The following LIN52 variants were observed in gnomAD, a reference collection of about 807,000 sequenced individuals.
The protein encoded by LIN52 is protein lin-52 homolog.
In LIN52, 4 loss-of-function variants were observed where a neutral mutation model predicts 18.5. That is an observed-to-expected ratio of 0.22 (90% CI 0.11 to 0.49). The LOEUF (loss-of-function observed/expected upper bound fraction) is 0.49. LIN52 is among the 20% of genes least tolerant of loss of function. The probability of loss-of-function intolerance (pLI) is 0.97; values close to 1 mark genes in which losing one functional copy is unlikely to be tolerated. For synonymous variants in LIN52, 34 were observed against 45.5 expected (o/e 0.75, Z 1.02); for missense variants, 102 against 139.5 (o/e 0.73, Z 1.35).
chr14:74,195,209 CTTG>C (rs1230473737), intron 5 of LIN52, among the ~76,000 whole-genome samples: 3 of 152,152 alleles, frequency 2.0e-5, no homozygotes, highest in Non-Finnish European at 4.4e-5. Context: ...CTCTCCCAAT[CTTG>C]TTGTGTCTAG....
At chr14:74,106,500 G>A (rs959506420) in intron 5 of LIN52, among the ~76,000 whole-genome samples, 1 of 152,080 alleles carries the variant, frequency 6.6e-6, no homozygotes, top group African/African-American at 2.4e-5. Flanking sequence ...TTGAACTCCT[G>A]GGCTCAACCA....
chr14:74,089,176 T>C (rs1050422912), intron 1 of LIN52, among the ~76,000 whole-genome samples: 15 of 152,188 alleles, frequency 9.9e-5, no homozygotes, highest in Admixed American at 9.2e-4. Context: ...GATTTCAGGG[T>C]GTATTCTGAA....
At chr14:74,165,208 C>A (rs1410834352) in intron 5 of LIN52, among the ~76,000 whole-genome samples, 1 of 151,946 alleles carries the variant, frequency 6.6e-6, no homozygotes, top group African/African-American at 2.4e-5. Flanking sequence ...CCATGTATAA[C>A]CCTGAGAAGA....
intron 5 of LIN52, among the ~76,000 whole-genome samples, chr14:74,188,847 C>G (rs963570345): frequency 2.6e-5 from 4 of 152,104 alleles, no homozygotes; most frequent in Admixed American, 2.6e-4. Context: ...TCCAGTGGTT[C>G]TTATCTAAAT....
intron 5 of LIN52, among the ~76,000 whole-genome samples, chr14:74,165,580 C>A (rs2061245835): frequency 7.1e-6 from 1 of 141,004 alleles, no homozygotes; most frequent in Non-Finnish European, 1.5e-5. Flanking sequence ...ACAATCTTGG[C>A]TCCCTGCAAC....
chr14:74,094,759 G>A (rs566869114), intron 2 of LIN52, among the ~76,000 whole-genome samples: 78 of 149,886 alleles, frequency 5.2e-4, no homozygotes, highest in African/African-American at 1.8e-3. Context: ...ATGGAGTCTC[G>A]CTCTGTTGCC....
chr14:74,097,698 A>G, intron 3 of LIN52, 96 bp from the exon 4 acceptor site: 1 of 858,686 alleles, frequency 1.2e-6, no homozygotes, highest in South Asian at 1.6e-5. Context: ...CCACCTTGGC[A>G]GCCACCGCAT....
chr14:74,160,892 A>C (rs1399210486), intron 5 of LIN52, among the ~76,000 whole-genome samples: 1 of 152,230 alleles, frequency 6.6e-6, no homozygotes, highest in Non-Finnish European at 1.5e-5. Context: ...GAGAAGCAAT[A>C]TTAAATGCTT....
intron 5 of LIN52, among the ~76,000 whole-genome samples, chr14:74,112,029 C>T (rs1011153046): frequency 6.6e-6 from 1 of 152,072 alleles, no homozygotes; most frequent in Non-Finnish European, 1.5e-5. Context: ...TACAGGCATA[C>T]GCCACCACGC....
Position 74,097,820 on chromosome 14 carries a change from G to C in LIN52, c.159G>C (p.Trp53Cys). ...CTATTACTAGTTCTCCACCCAAATGGATGGCTGAGATAGAACGTGATGACA... is the reference window on the plus strand; with the variant it reads ...CTATTACTAGTTCTCCACCCAAATGCATGGCTGAGATAGAACGTGATGACA... Reference protein sequence around the residue: ...KSPITSSPPKWMAEIERDDID... With the variant: ...KSPITSSPPKCMAEIERDDID... Residue 53 changes from tryptophan (W) to cysteine (C), a missense_variant, in exon 4 of 6, where the codon TGG becomes TGC. Trp to Cys is a radical substitution (Grantham distance 215). Coordinates refer to ENST00000555028, the MANE Select transcript of LIN52 (RefSeq NM_001024674.3). The C allele has an allele frequency of 1.2e-6, 2 of 1,613,120 alleles. No individual in the cohort carries two copies. Among genetic ancestry groups the C allele is most frequent in the Non-Finnish European group, 1.7e-6 (2 of 1,179,170 alleles).
At chr14:74,153,359 AGTC>A (rs2061185191) in intron 5 of LIN52, among the ~76,000 whole-genome samples, 1 of 152,152 alleles carries the variant, frequency 6.6e-6, no homozygotes, top group Non-Finnish European at 1.5e-5. Context: ...TCATTGTAAT[AGTC>A]ATTGATATTT....
intron 5 of LIN52, among the ~76,000 whole-genome samples, chr14:74,157,058 A>C (rs1555383722): frequency 7.1e-6 from 1 of 141,616 alleles, no homozygotes; most frequent in African/African-American, 2.6e-5. Context: ...TTGAGACAGA[A>C]TTTCACTCTT....
At chr14:74,133,629 C>T (rs926368495) in intron 5 of LIN52, among the ~76,000 whole-genome samples, 1 of 152,068 alleles carries the variant, frequency 6.6e-6, no homozygotes, top group Non-Finnish European at 1.5e-5. Flanking sequence ...TTTAAAATTT[C>T]CTTTGGAATG....
At chr14:74,137,254 C>A (rs2061102902) in intron 5 of LIN52, among the ~76,000 whole-genome samples, 1 of 150,292 alleles carries the variant, frequency 6.7e-6, no homozygotes, top group Non-Finnish European at 1.5e-5. Context: ...TGGCACTTTA[C>A]CCCTAAATGC....
intron 5 of LIN52, among the ~76,000 whole-genome samples, chr14:74,151,178 G>A (rs967871725): frequency 6.6e-6 from 1 of 151,988 alleles, no homozygotes; most frequent in African/African-American, 2.4e-5. Flanking sequence ...GGTGTACTGG[G>A]GTAGCAACTT....
intron 5 of LIN52, chr14:74,192,737 G>A: frequency 3.8e-6 from 1 of 263,000 alleles, no homozygotes; most frequent in Non-Finnish European, 7.4e-6. Context: ...CAATTTGATG[G>A]GCAGCCAATT....
chr14:74,114,173 T>TGTG (rs1175388155), intron 5 of LIN52: 1 of 929,676 alleles, frequency 1.1e-6, no homozygotes, highest in East Asian at 1.2e-4. Context: ...ATAACTGAGA[T>TGTG]TAGTGTGTGT....
At chr14:74,096,008 T>G (rs948524196) in intron 3 of LIN52, 23 bp downstream of exon 3, 15 of 1,566,846 alleles carry the variant, frequency 9.6e-6, no homozygotes, top group Admixed American at 1.8e-5. Flanking sequence ...CCTTACCTAC[T>G]GAGGTCAATC....
chr14:74,130,278 G>GTGTTTTTTTT (rs1566856480), intron 5 of LIN52, among the ~76,000 whole-genome samples: 6 of 64,842 alleles, frequency 9.3e-5, no homozygotes, highest in African/African-American at 1.9e-4. Flanking sequence ...GCATTTTTTG[G>GTGTTTTTTTT]TTTTTTTTTT....
Sources: gnomAD v4.1 joint callset for allele counts (sites outside exome capture counted in the v4.1 genomes callset) on GRCh38, gnomAD v4.1.1 for gene constraint, MANE v1.5 for transcripts, NCBI Gene and HGNC (gene_info 2026-07-23, HGNC 2026-07-21) for gene names.